GCN1: variants seen among roughly 807,000 people sequenced by gnomAD.
GCN1 encodes GCN1 activator of EIF2AK4, also known as stalled ribosome sensor GCN1.
Under a neutral mutation model 288.4 loss-of-function variants are expected in GCN1, and 90 were observed. That is an observed-to-expected ratio of 0.31 (90% CI 0.26 to 0.37). The LOEUF is 0.37. Among genes scored for constraint, GCN1 ranks in the 10% least tolerant of loss-of-function variants. The pLI is 1.00. For missense variants in GCN1, 2,586 were observed against 3,419.9 expected, an observed-to-expected ratio of 0.76 and a Z score of 6.08; for synonymous variants, 1,386 against 1,420.2, an observed-to-expected ratio of 0.98 and a Z score of 0.54.
rs1231922900 is a variant in GCN1 at position 120,180,710 on chromosome 12, C to T, written c.427-1760G>A. On this transcript the variant is annotated intron_variant, in intron 5 of 57. Transcript: ENST00000300648. The stretch of plus-strand genomic sequence containing the variant: ...CTCAGAAAACAGATATGCTTGTGGC[C>T]GGGCGCGGTGGCTCACGCCTGTAAT... Among the ~76,000 whole-genome samples the T allele has an allele frequency of 9.2e-5, 14 of 151,474 alleles. No homozygotes were observed. The East Asian group carries it at 2.2e-3, about 23-fold the overall frequency.
chr12:120,185,761 C>T (rs570840128), intron 2 of GCN1, among the ~76,000 whole-genome samples: 1 of 152,216 alleles, frequency 6.6e-6, no homozygotes, highest in South Asian at 2.1e-4. Flanking sequence ...CCACCACGCC[C>T]AGTTAATTTT....
intron 47 of GCN1, 116 bp downstream of exon 47, chr12:120,138,207 C>G (rs988992224): frequency 3.6e-5 from 33 of 920,438 alleles, no homozygotes; most frequent in South Asian, 3.2e-4. Flanking sequence ...AATGCTTGCA[C>G]TGCACCCTCC....
Position 120,153,461 on chromosome 12 carries a change from G to T in GCN1, c.3868-54C>A. 1 of 1,502,894 alleles carries T rather than the reference G, an allele frequency of 6.7e-7. No homozygotes were observed. The allele number at this position is 1,502,894 out of a possible 1,614,324, so 93.1% of individuals were successfully genotyped here. On this transcript the variant is annotated intron_variant, in intron 32 of 57. Transcript: ENST00000300648. The surrounding 1 kb of genome is among the most constrained non-coding windows in gnomAD (Gnocchi z 4.4). Reference sequence around the variant, plus strand: ...GGTCAACCCTACAGGCTGCATCTGGGGACAACAGTCCCTGCCCTGAGGACC... The same window carrying T: ...GGTCAACCCTACAGGCTGCATCTGGTGACAACAGTCCCTGCCCTGAGGACC...
At chr12:120,171,231 T>G (rs1380984118) in intron 14 of GCN1, among the ~76,000 whole-genome samples, 1 of 151,840 alleles carries the variant, frequency 6.6e-6, no homozygotes, top group Non-Finnish European at 1.5e-5. Flanking sequence ...TCTGGGAGGC[T>G]GAGGCGAGCA....
chr12:120,159,551 A>G (rs1307953653), intron 24 of GCN1, among the ~76,000 whole-genome samples: 3 of 152,178 alleles, frequency 2.0e-5, no homozygotes, highest in Non-Finnish European at 4.4e-5. Flanking sequence ...CTGACTTCTT[A>G]GTTTTAAAAC....
Position 120,162,951 on chromosome 12 carries a change from A to G in GCN1, c.2059T>C (p.Trp687Arg). 6.2e-7 allele frequency: 1 copy of G among 1,614,226 alleles called. No homozygotes were observed. ...TTCATCCTGGCAAGAAGTGCTGGCC[A>G]AAGTCCAGACTGCACGGCAACTGAA... ...PSLVAVQSGLWPALLARMKID... is the reference protein window; with the variant it reads ...PSLVAVQSGLRPALLARMKID... The change falls in exon 20 of 58, where the codon TGG becomes CGG. Residue 687 changes from tryptophan (W) to arginine (R), a missense_variant. Physicochemically the swap from Trp to Arg is moderately radical, Grantham distance 101. Around this residue, in one of 8 missense-constraint regions of GCN1, gnomAD observed 913 missense variants for 1,107.0 expected, o/e 0.82. Coordinates refer to ENST00000300648, the MANE Select transcript of GCN1 (RefSeq NM_006836.2).
Position 120,166,018 on chromosome 12 carries a change from G to A in GCN1, c.1613-1297C>T, listed in dbSNP as rs930763545. On this transcript the variant is annotated intron_variant, in intron 16 of 57. Transcript: ENST00000300648. ...TGTTGGCCAGGATAGTCTCGATCTCGACCTCATGATCTGCCCGCCTCGGCC... is the reference window on the plus strand; with the variant it reads ...TGTTGGCCAGGATAGTCTCGATCTCAACCTCATGATCTGCCCGCCTCGGCC... 4.6e-5 allele frequency among the ~76,000 whole-genome samples: 7 copies of A among 151,744 alleles called. No homozygotes were observed. The East Asian group carries it at 9.9e-4, about 21-fold the overall frequency.
Position 120,136,551 on chromosome 12 carries a change from C to T in GCN1, c.6959G>A (p.Trp2320Ter). 6.2e-7 allele frequency: 1 copy of T among 1,614,210 alleles called. No individual in the cohort carries two copies. The highest frequency in any genetic ancestry group is 1.3e-5 in the African/African-American group (1 of 75,068). Residue 2320 changes from tryptophan to a stop codon, truncating the protein, a stop_gained, in exon 51 of 58, where the codon TGG becomes TAG. Transcript: ENST00000300648. LOFTEE classifies it high-confidence loss of function. ...LIRILGDRFS[W>*]NVKAALLETL... ...CTCGAGCAGAGCCGCCTTCACATTC[C>T]AGCTGAACCTGTCCCCCAGGATGCG...
At position 120,177,705 on chromosome 12, in the gene GCN1, G is replaced by C. The variant is rs1417849565; in HGVS notation, c.708C>G (p.Val236=). ...TCACCAACAGGTACTTCGGAGGCTT[G>C]ACTTTGCTCATCAGGATGTTCTTCA... ...FYMKNILMSK[V]KPPKYLLDSC... is the part of the protein sequence containing the mutation. Residue 236 remains valine, a synonymous_variant, in exon 8 of 58, where the codon GTC becomes GTG. Coordinates refer to ENST00000300648, the MANE Select transcript of GCN1 (RefSeq NM_006836.2). The C allele has an allele frequency of 1.2e-6, 2 of 1,613,316 alleles. No individual in the cohort carries two copies. Among genetic ancestry groups the C allele is most frequent in the Non-Finnish European group, 1.7e-6 (2 of 1,179,384 alleles).
At chr12:120,193,335 C>T (rs959173593) in intron 1 of GCN1, among the ~76,000 whole-genome samples, 75 of 152,174 alleles carry the variant, frequency 4.9e-4, no homozygotes, top group African/African-American at 1.5e-3. Flanking sequence ...GACAGAGTCC[C>T]ACTCTTGTTG....
chr12:120,127,741 T>C lies in GCN1; in HGVS notation c.*108A>G. ...TGTGGTCTATTGATATTAAAATACT[T>C]TCTGGGAACGCCATCTTCCAAGCTC... On this transcript the variant is annotated 3_prime_UTR_variant, in exon 58 of 58. Coordinates refer to ENST00000300648, the MANE Select transcript of GCN1 (RefSeq NM_006836.2). 3.2e-6 allele frequency: 4 copies of C among 1,247,608 alleles called. No homozygotes were observed. Among genetic ancestry groups the C allele is most frequent in the Non-Finnish European group, 4.5e-6 (4 of 882,458 alleles). 77.3% of individuals were successfully genotyped at this position (1,247,608 alleles called of 1,614,324 possible). A position where few individuals can be genotyped will look rare whatever the true frequency, so the allele number is the denominator to read the frequency against.
At chr12:120,174,789 CAA>C (rs1212428710) in intron 12 of GCN1, among the ~76,000 whole-genome samples, 8 of 30,394 alleles carry the variant, frequency 2.6e-4, no homozygotes, top group South Asian at 1.2e-3. Context: ...GACTCCATCT[CAA>C]AAAAAAAAAA....
rs998881767 is a variant in GCN1 at position 120,153,755 on chromosome 12, T to C, written c.3856A>G (p.Thr1286Ala). 4 of 1,613,946 alleles carry C rather than the reference T, an allele frequency of 2.5e-6. No individual in the cohort carries two copies. The highest frequency in any genetic ancestry group is 3.4e-6 in the Non-Finnish European group (4 of 1,179,882). ...MLDAALATLNTHGKENVNSLL... is the reference protein window; with the variant it reads ...MLDAALATLNAHGKENVNSLL... ...TGGGACCCCCTTACCTTCCCATGAG[T>C]GTTGAGCGTTGCGAGGGCTGCATCC... Residue 1286 changes from threonine to alanine, a missense_variant, in exon 32 of 58, where the codon ACT (threonine) becomes GCT (alanine). Coordinates refer to ENST00000300648, the MANE Select transcript of GCN1 (RefSeq NM_006836.2). The surrounding 1 kb of genome is among the most constrained non-coding windows in gnomAD (Gnocchi z 4.4).
rs760028316 is a variant in GCN1 at position 120,131,341 on chromosome 12, G to A, written c.7415-8C>T. The A allele has an allele frequency of 1.2e-6, 2 of 1,613,486 alleles. No individual in the cohort carries two copies. Among genetic ancestry groups the A allele is most frequent in the African/African-American group, 1.3e-5 (1 of 75,052 alleles). Reference sequence around the variant, plus strand: ...CAATGCCGGACACGTCCGCTGGGTGGAAGGACACGACTGGGATCAACCGGT... The same window carrying A: ...CAATGCCGGACACGTCCGCTGGGTGAAAGGACACGACTGGGATCAACCGGT... On this transcript the variant is annotated splice_polypyrimidine_tract_variant and splice_region_variant and intron_variant, in intron 54 of 57. Coordinates refer to ENST00000300648, the MANE Select transcript of GCN1 (RefSeq NM_006836.2).
Position 120,134,652 on chromosome 12 carries a change from C to T in GCN1, c.7083G>A (p.Arg2361=), listed in dbSNP as rs191621547. The change falls in exon 52 of 58, where the codon CGG becomes CGA. Residue 2361 remains arginine (R), a synonymous_variant. Coordinates refer to ENST00000300648, the MANE Select transcript of GCN1 (RefSeq NM_006836.2). This position sits in a 1 kb window ranked among gnomAD's most constrained non-coding sequence, Gnocchi z 5.0. Reference sequence around the variant, plus strand: ...CATCTGCGGCCTTCAGGCGCACCCCCCGGTTGGAGTCCTGCAGGGCTTTGG... The same window carrying T: ...CATCTGCGGCCTTCAGGCGCACCCCTCGGTTGGAGTCCTGCAGGGCTTTGG... ...TFTKALQDSN[R]GVRLKAADAL... is the part of the protein sequence containing the mutation. 3.2e-5 allele frequency: 52 copies of T among 1,613,926 alleles called. No homozygotes were observed. In the Middle Eastern group the frequency reaches 1.0e-3, roughly 32 times the overall value.
At chr12:120,178,599 C>G (rs999476976) in intron 7 of GCN1, 26 bp downstream of exon 7, 1 of 1,613,708 alleles carries the variant, frequency 6.2e-7, no homozygotes, top group Non-Finnish European at 8.5e-7. Context: ...ATAGCAAACC[C>G]ACAGTCACTC....
In GCN1 at chr12:120,131,105, G is replaced by T. The variant is rs1292744178; in HGVS notation, c.7563+80C>A. 5.9e-5 allele frequency: 76 copies of T among 1,298,336 alleles called. No homozygotes were observed. The East Asian group carries it at 1.7e-3, about 30-fold the overall frequency. The allele number at this position is 1,298,336 out of a possible 1,614,324, so 80.4% of individuals were successfully genotyped here. On this transcript the variant is annotated intron_variant, in intron 55 of 57. Coordinates refer to ENST00000300648, the MANE Select transcript of GCN1 (RefSeq NM_006836.2). ...CCCAAGCTTCTTAAGCCCCAGTCTG[G>T]GGTCCACCCGCGCTGTGTCCACAAG...
chr12:120,184,049 G>A, intron 4 of GCN1, 63 bp downstream of exon 4: 3 of 1,424,602 alleles, frequency 2.1e-6, no homozygotes, highest in South Asian at 1.3e-5. Context: ...ACAGTCAACT[G>A]CATCAGCTTC....
Position 120,155,861 on chromosome 12 carries a change from C to T in GCN1, c.3313-142G>A. The T allele has an allele frequency of 1.4e-6, 1 of 730,168 alleles. No homozygotes were observed. Among genetic ancestry groups the T allele is most frequent in the Non-Finnish European group, 2.2e-6 (1 of 448,506 alleles). 45.2% of individuals were successfully genotyped at this position (730,168 alleles called of 1,614,324 possible). On this transcript the variant is annotated intron_variant, in intron 28 of 57. Coordinates refer to ENST00000300648, the MANE Select transcript of GCN1 (RefSeq NM_006836.2). This position sits in a 1 kb window ranked among gnomAD's most constrained non-coding sequence, Gnocchi z 4.9. Reference sequence around the variant, plus strand: ...CTAAAGTTAAATCAATTAAAATTAACTCTAAGTAAGTTCCTTAGAGTGTGA... The same window carrying T: ...CTAAAGTTAAATCAATTAAAATTAATTCTAAGTAAGTTCCTTAGAGTGTGA...
Sources: gnomAD v4.1 joint callset for allele counts (sites outside exome capture counted in the v4.1 genomes callset) on GRCh38, gnomAD v4.1.1 for gene constraint, gnomAD v4.1.1 regional missense constraint, Gnocchi (gnomAD v3.1) non-coding constraint, MANE v1.5 for transcripts, NCBI Gene and HGNC (gene_info 2026-07-23, HGNC 2026-07-21) for gene names.